The following NEGR1 variants were observed in gnomAD, a reference collection of about 807,000 sequenced individuals.
NEGR1 encodes the protein IgLON family member 4.
Under a neutral mutation model 40.9 loss-of-function variants are expected in NEGR1, and 10 were observed. The ratio of observed to expected loss-of-function variants is 0.24; its 90% CI spans 0.15 to 0.42. The LOEUF (loss-of-function observed/expected upper bound fraction) is 0.42. Among genes scored for constraint, NEGR1 ranks in the 10% least tolerant of loss-of-function variants. The pLI, the probability that NEGR1 is intolerant of heterozygous loss-of-function variation, is 1.00. For missense variants in NEGR1, 352 were observed against 438.9 expected (o/e 0.80, Z 1.77); for synonymous variants, 185 against 166.8 (o/e 1.11, Z -0.84).
chr1:71,947,013 G>A (rs12033580), intron 1 of NEGR1, among the ~76,000 whole-genome samples: 18,410 of 149,964 alleles, frequency 0.12, 1,576 homozygotes, highest in East Asian at 0.43. Context: ...TCTTGAGTCT[G>A]GGAGGTGGAG....
intron 6 of NEGR1, among the ~76,000 whole-genome samples, chr1:71,511,584 C>T (rs1290365296): frequency 6.6e-6 from 1 of 152,172 alleles, no homozygotes; most frequent in African/African-American, 2.4e-5. Flanking sequence ...AGAAGTTCCA[C>T]AGAATTGAAG....
At chr1:72,156,411 T>C (rs193064293) in intron 1 of NEGR1, among the ~76,000 whole-genome samples, 1 of 152,258 alleles carries the variant, frequency 6.6e-6, no homozygotes, top group African/African-American at 2.4e-5. Flanking sequence ...AACCACATTT[T>C]TGAAAGCAGT....
intron 6 of NEGR1, among the ~76,000 whole-genome samples, chr1:71,520,672 T>C (rs977332650): frequency 1.3e-5 from 2 of 152,044 alleles, no homozygotes; most frequent in African/African-American, 2.4e-5. Context: ...CCCAAATAAG[T>C]AGTACCTCAT....
intron 1 of NEGR1, among the ~76,000 whole-genome samples, chr1:71,951,393 A>G (rs1646069339): frequency 6.6e-6 from 1 of 151,924 alleles, no homozygotes. Context: ...ACAACTAATT[A>G]AACTCGAGTT....
chr1:71,443,109 G>A (rs1279125175), intron 6 of NEGR1, among the ~76,000 whole-genome samples: 2 of 152,122 alleles, frequency 1.3e-5, no homozygotes. Flanking sequence ...TAATTTTACC[G>A]ATTTGTGTTC....
At chr1:72,025,036 T>C (rs1035186787) in intron 1 of NEGR1, among the ~76,000 whole-genome samples, 16 of 152,322 alleles carry the variant, frequency 1.1e-4, no homozygotes, top group African/African-American at 3.6e-4. Flanking sequence ...TTGGGAGTTA[T>C]AGTGAAACAA....
At chr1:71,823,797 C>G (rs1422487944) in intron 2 of NEGR1, among the ~76,000 whole-genome samples, 1 of 152,038 alleles carries the variant, frequency 6.6e-6, no homozygotes, top group African/African-American at 2.4e-5. Context: ...TACCACCTGC[C>G]CATTTACTGC....
At chr1:71,988,688 T>C (rs1272695594) in intron 1 of NEGR1, among the ~76,000 whole-genome samples, 1 of 151,032 alleles carries the variant, frequency 6.6e-6, no homozygotes, top group African/African-American at 2.4e-5. Context: ...CACAAGGTAC[T>C]CAGTTAAATA....
intron 1 of NEGR1, among the ~76,000 whole-genome samples, chr1:72,045,889 A>T (rs1243788600): frequency 6.6e-6 from 1 of 151,804 alleles, no homozygotes; most frequent in Non-Finnish European, 1.5e-5. Context: ...TTAAAATGAC[A>T]TGAGTCCAGG....
rs530473046 is a variant in NEGR1, at chr1:71,604,571, G to C, written c.788+6455C>G. 5.9e-5 allele frequency among the ~76,000 whole-genome samples: 9 copies of C among 152,180 alleles called. No individual in the cohort carries two copies. In the East Asian group the frequency reaches 1.7e-3, roughly 29 times the overall value. On this transcript the variant is annotated intron_variant, in intron 5 of 6. Transcript: ENST00000357731. ...ATTACTCTTTATTATGATTTCTCAAGTTCATGTTACCATTGTAAAATCAGG... is the reference window on the plus strand; with the variant it reads ...ATTACTCTTTATTATGATTTCTCAACTTCATGTTACCATTGTAAAATCAGG...
intron 1 of NEGR1, among the ~76,000 whole-genome samples, chr1:72,041,230 A>G (rs759039656): frequency 1.3e-5 from 2 of 151,858 alleles, no homozygotes; most frequent in Non-Finnish European, 2.9e-5. Flanking sequence ...TGTCCTAATC[A>G]TTTGTCCTTT....
chr1:71,788,454 A>AT (rs1241880561), intron 2 of NEGR1, among the ~76,000 whole-genome samples: 1 of 151,928 alleles, frequency 6.6e-6, no homozygotes, highest in Non-Finnish European at 1.5e-5. Flanking sequence ...TGGAAAAAAA[A>AT]AGTTGTGTTT....
At chr1:72,139,255 GAAA>G (rs77435105) in intron 1 of NEGR1, among the ~76,000 whole-genome samples, 1 of 99,016 alleles carries the variant, frequency 1.0e-5, no homozygotes, top group African/African-American at 3.4e-5. Context: ...CAGAAAAAGC[GAAA>G]AAAAAAAAAA....
chr1:71,501,407 C>G (rs983131687), intron 6 of NEGR1, among the ~76,000 whole-genome samples: 1 of 152,044 alleles, frequency 6.6e-6, no homozygotes, highest in Non-Finnish European at 1.5e-5. Context: ...TCTGAAAGAT[C>G]TCACAGTTTG....
At chr1:71,466,225 A>G (rs1015364480) in intron 6 of NEGR1, among the ~76,000 whole-genome samples, 2 of 152,108 alleles carry the variant, frequency 1.3e-5, no homozygotes, top group Admixed American at 6.6e-5. Flanking sequence ...CCCTTAGTAA[A>G]AGAAGTAATA....
intron 1 of NEGR1, among the ~76,000 whole-genome samples, chr1:72,030,640 T>C (rs1250265549): frequency 6.6e-6 from 1 of 151,958 alleles, no homozygotes. Flanking sequence ...TGATCAACAC[T>C]AAAAAGAACT....
intron 1 of NEGR1, among the ~76,000 whole-genome samples, chr1:72,153,791 A>T (rs1186259685): frequency 6.6e-6 from 1 of 152,004 alleles, no homozygotes; most frequent in Non-Finnish European, 1.5e-5. Flanking sequence ...GACTAAGAAG[A>T]AAAAGGCAGA....
chr1:71,601,308 CA>C (rs550149856), intron 5 of NEGR1, among the ~76,000 whole-genome samples: 4 of 151,834 alleles, frequency 2.6e-5, no homozygotes, highest in African/African-American at 9.7e-5. Context: ...ATTAAAAAGT[CA>C]AAAAAACAAC....
intron 3 of NEGR1, among the ~76,000 whole-genome samples, chr1:71,753,216 G>T (rs765053297): frequency 6.6e-6 from 1 of 152,060 alleles, no homozygotes; most frequent in Non-Finnish European, 1.5e-5. Context: ...TTCACACAAA[G>T]ATACTGTTGA....
Sources: allele counts gnomAD v4.1 joint callset (sites outside exome capture counted in the v4.1 genomes callset), GRCh38; gene constraint gnomAD v4.1.1; transcripts MANE v1.5; gene names NCBI Gene and HGNC (gene_info 2026-07-23, HGNC 2026-07-21).